The following NRSN1 variants were observed in gnomAD, a reference collection of about 807,000 sequenced individuals.
NRSN1 encodes the protein neurensin-1.
In NRSN1, 14 loss-of-function variants were observed where a neutral mutation model predicts 17.3. The ratio of observed to expected loss-of-function variants is 0.81; its 90% confidence interval spans 0.54 to 1.27. The LOEUF (loss-of-function observed/expected upper bound fraction) is 1.27. Ranked by LOEUF, NRSN1 falls within the 50% of genes most tolerant of loss-of-function variation. The pLI is 0.00. For synonymous variants in NRSN1, 79 were observed against 94.2 expected (o/e 0.84, Z 0.93); for missense variants, 209 against 235.9 (o/e 0.89, Z 0.75).
intron 2 of NRSN1, chr6:24,129,676 C>T (rs1759999140): frequency 6.6e-6 from 1 of 152,130 alleles, no homozygotes; most frequent in Non-Finnish European, 1.5e-5. Flanking sequence ...TTTTTTCCCT[C>T]CTCATGTCTC....
rs1038335753 is a variant in NRSN1, at chr6:24,145,250, AT to A, written c.190-296del. The stretch of plus-strand genomic sequence containing the variant: ...ATATATATCTTTAGATAATATAAAG[AT>A]TATATATATATCTTTAGATATACAA... On this transcript the variant is annotated intron_variant, in intron 3 of 3. Coordinates refer to ENST00000378491, the MANE Select transcript of NRSN1 (RefSeq NM_080723.5). This position sits in a 1 kb window ranked among gnomAD's most constrained non-coding sequence, Gnocchi z 4.4. Among the ~76,000 whole-genome samples the A allele has an allele frequency of 6.9e-6, 1 of 144,702 alleles. No homozygotes were observed. The highest frequency in any genetic ancestry group is 6.9e-5 in the Admixed American group (1 of 14,496). 94.9% of individuals were successfully genotyped at this position (144,702 alleles called of 152,430 possible). A position where few individuals can be genotyped will look rare whatever the true frequency, so the allele number is the denominator to read the frequency against.
chr6:24,140,073 T>G (rs992014602), intron 3 of NRSN1, among the ~76,000 whole-genome samples: 2 of 152,144 alleles, frequency 1.3e-5, no homozygotes, highest in Non-Finnish European at 2.9e-5. Context: ...TTCAAGAAAG[T>G]ATAAGTGTTT....
At chr6:24,138,118 G>A (rs1760144602) in intron 3 of NRSN1, among the ~76,000 whole-genome samples, 1 of 152,036 alleles carries the variant, frequency 6.6e-6, no homozygotes, top group African/African-American at 2.4e-5. Flanking sequence ...CAGTGAGGGG[G>A]CAAGATAATG....
Position 24,145,853 on chromosome 6 carries a change from C to T in NRSN1, c.495C>T (p.Thr165=). Reference sequence around the variant, plus strand: ...GAATCGCAGACATCAAAGCCCACACCCAGCCGGTTACAAAAGCTCCAGGGC... The same window carrying T: ...GAATCGCAGACATCAAAGCCCACACTCAGCCGGTTACAAAAGCTCCAGGGC... ...KERIADIKAH[T]QPVTKAPGPG... The change falls in exon 4 of 4, where the codon ACC becomes ACT. Residue 165 remains threonine (T), a synonymous_variant. Coordinates refer to ENST00000378491, the MANE Select transcript of NRSN1 (RefSeq NM_080723.5). This position sits in a 1 kb window ranked among gnomAD's most constrained non-coding sequence, Gnocchi z 4.4. 6.2e-6 allele frequency: 10 copies of T among 1,614,170 alleles called. No individual in the cohort carries two copies. Among genetic ancestry groups the T allele is most frequent in the Non-Finnish European group, 8.5e-6 (10 of 1,180,026 alleles).
chr6:24,129,880 T>C (rs188449797), intron 2 of NRSN1, among the ~76,000 whole-genome samples: 24 of 152,314 alleles, frequency 1.6e-4, no homozygotes, highest in Admixed American at 5.9e-4. Flanking sequence ...AACCAAACAA[T>C]GACACACAAA....
chr6:24,140,198 G>A (rs1205197752), intron 3 of NRSN1, among the ~76,000 whole-genome samples: 2 of 152,194 alleles, frequency 1.3e-5, no homozygotes, highest in African/African-American at 2.4e-5. Flanking sequence ...TAAGGAAATC[G>A]TGGAAGACTA....
Position 24,146,222 on chromosome 6 carries a change from G to A in NRSN1, c.*276G>A, listed in dbSNP as rs913781690. 3 of 656,120 alleles carry A rather than the reference G, an allele frequency of 4.6e-6. No individual in the cohort carries two copies. The highest frequency in any genetic ancestry group is 3.2e-5 in the East Asian group (1 of 31,410). 40.6% of individuals were successfully genotyped at this position (656,120 alleles called of 1,614,324 possible). ...CCCTGGAACTCCTCTTTCATAGATC[G>A]TGACTTTGTGTTATTTTCCGTGTTG... On this transcript the variant is annotated 3_prime_UTR_variant, in exon 4 of 4. Coordinates refer to ENST00000378491, the MANE Select transcript of NRSN1 (RefSeq NM_080723.5).
intron 1 of NRSN1, among the ~76,000 whole-genome samples, chr6:24,127,221 T>C (rs1404620721): frequency 6.6e-6 from 1 of 152,142 alleles, no homozygotes; most frequent in Non-Finnish European, 1.5e-5. Flanking sequence ...AGGAGGCTAA[T>C]ATAATTTGCT....
At chr6:24,130,208 A>C (rs903830320) in intron 2 of NRSN1, among the ~76,000 whole-genome samples, 1 of 152,238 alleles carries the variant, frequency 6.6e-6, no homozygotes, top group Non-Finnish European at 1.5e-5. Flanking sequence ...AATCTTATGA[A>C]ACCTTGATCT....
chr6:24,137,292 T>A (rs1391398396), intron 3 of NRSN1, among the ~76,000 whole-genome samples: 1 of 152,220 alleles, frequency 6.6e-6, no homozygotes, highest in African/African-American at 2.4e-5. Flanking sequence ...TGCATCTGCA[T>A]AACATCTATT....
Position 24,147,187 on chromosome 6 carries a change from G to C in NRSN1, c.*1241G>C, listed in dbSNP as rs552930218. The C allele has an allele frequency of 1.3e-4, 20 of 152,256 alleles. No homozygotes were observed. The highest frequency in any genetic ancestry group is 4.1e-4 in the African/African-American group (17 of 41,552). 9.4% of individuals were successfully genotyped at this position (152,256 alleles called of 1,614,324 possible). On this transcript the variant is annotated 3_prime_UTR_variant, in exon 4 of 4. Coordinates refer to ENST00000378491, the MANE Select transcript of NRSN1 (RefSeq NM_080723.5). ...GCCATCCTCAAATAAGGAACCCCTTGGTAGATATTAACCTTAAAAAGGGTT... is the reference window on the plus strand; with the variant it reads ...GCCATCCTCAAATAAGGAACCCCTTCGTAGATATTAACCTTAAAAAGGGTT...
chr6:24,128,359 T>C (rs1372172831), intron 2 of NRSN1, among the ~76,000 whole-genome samples, 159 bp downstream of exon 2: 1 of 152,238 alleles, frequency 6.6e-6, no homozygotes, highest in African/African-American at 2.4e-5. Context: ...AAGTAAATGA[T>C]AACAAGTAAG....
intron 2 of NRSN1, chr6:24,129,709 G>C (rs1230157008): frequency 1.3e-5 from 2 of 152,180 alleles, no homozygotes; most frequent in Non-Finnish European, 2.9e-5. Context: ...GGTGTGCTGA[G>C]TTGGTAAGAA....
intron 2 of NRSN1, among the ~76,000 whole-genome samples, chr6:24,130,837 C>CA (rs1055546044): frequency 3.3e-5 from 5 of 151,746 alleles, no homozygotes; most frequent in South Asian, 4.2e-4. Context: ...TCCGTACAGA[C>CA]AAAAAAAATC....
chr6:24,139,554 A>G (rs1030576139), intron 3 of NRSN1, among the ~76,000 whole-genome samples: 3 of 152,098 alleles, frequency 2.0e-5, no homozygotes, highest in African/African-American at 7.2e-5. Flanking sequence ...GCAGAGCACC[A>G]TTTTTACTCT....
intron 3 of NRSN1, among the ~76,000 whole-genome samples, chr6:24,136,814 A>C: frequency 6.6e-6 from 1 of 152,190 alleles, no homozygotes; most frequent in East Asian, 1.9e-4. Context: ...GCTGTGCTGG[A>C]GTCCTAGATG....
At chr6:24,129,924 G>A (rs1760002751) in intron 2 of NRSN1, among the ~76,000 whole-genome samples, 4 of 152,168 alleles carry the variant, frequency 2.6e-5, no homozygotes, top group Admixed American at 2.6e-4. Flanking sequence ...GGCCATGCTG[G>A]CAGGGAGGAT....
chr6:24,136,573 C>G (rs1034223997), intron 3 of NRSN1, among the ~76,000 whole-genome samples: 1 of 151,594 alleles, frequency 6.6e-6, no homozygotes, highest in Admixed American at 6.6e-5. Flanking sequence ...CCTGACAGAT[C>G]TGTTGTGCCA....
intron 3 of NRSN1, chr6:24,141,048 A>T (rs1424973415): frequency 6.8e-7 from 1 of 1,471,802 alleles, no homozygotes; most frequent in East Asian, 2.7e-5. Context: ...CTCTGTCGCC[A>T]TTGGGATTGG....
Sources: allele counts gnomAD v4.1 joint callset (sites outside exome capture counted in the v4.1 genomes callset), GRCh38; gene constraint gnomAD v4.1.1; non-coding constraint Gnocchi (gnomAD v3.1); transcripts MANE v1.5; gene names NCBI Gene and HGNC (gene_info 2026-07-23, HGNC 2026-07-21).